The following ADAMTSL3 variants were observed in gnomAD, a reference collection of about 807,000 sequenced individuals.
ADAMTSL3 encodes ADAMTS like 3, also known as ADAMTS-like protein 3.
A neutral mutation model predicts 201.7 loss-of-function variants in ADAMTSL3; 128 were observed. That is an observed-to-expected ratio of 0.63 (90% CI 0.55 to 0.73). The LOEUF (loss-of-function observed/expected upper bound fraction) is 0.73. Ranked by LOEUF, ADAMTSL3 falls within the 30% of genes least tolerant of loss-of-function variation. The pLI is 0.00. For missense variants in ADAMTSL3, 1,990 were observed against 2,119.6 expected, an observed-to-expected ratio of 0.94 and a Z score of 1.20; for synonymous variants, 738 against 748.4, an observed-to-expected ratio of 0.99 and a Z score of 0.23.
At chr15:83,910,082 GT>G (rs1359238593) in intron 15 of ADAMTSL3, among the ~76,000 whole-genome samples, 1 of 152,036 alleles carries the variant, frequency 6.6e-6, no homozygotes, top group Non-Finnish European at 1.5e-5. Flanking sequence ...CTTCAGCCAT[GT>G]TTCTTCTGTT....
chr15:83,673,161 A>G (rs1038435865), intron 2 of ADAMTSL3, among the ~76,000 whole-genome samples: 1 of 152,212 alleles, frequency 6.6e-6, no homozygotes, highest in Admixed American at 6.5e-5. Context: ...CTGTTCACCT[A>G]GGTGGTGCCT....
chr15:83,709,932 G>A (rs1389068168), intron 3 of ADAMTSL3, among the ~76,000 whole-genome samples: 1 of 152,044 alleles, frequency 6.6e-6, no homozygotes, highest in Non-Finnish European at 1.5e-5. Context: ...TGGGCCTCAT[G>A]CACACTTTCC....
At chr15:83,790,792 G>A (rs1028155571) in intron 4 of ADAMTSL3, among the ~76,000 whole-genome samples, 21 of 152,138 alleles carry the variant, frequency 1.4e-4, no homozygotes, top group African/African-American at 4.8e-4. Context: ...AAACTAACAA[G>A]TGAGTCTGGC....
At chr15:83,966,113 A>G (rs2067079002) in intron 19 of ADAMTSL3, among the ~76,000 whole-genome samples, 1 of 152,220 alleles carries the variant, frequency 6.6e-6, no homozygotes, top group African/African-American at 2.4e-5. Flanking sequence ...TAACATCACA[A>G]TTAAAAGAAC....
At position 84,021,536 on chromosome 15, in the gene ADAMTSL3, A is replaced by G. The variant is rs754407697; in HGVS notation, c.4400A>G (p.His1467Arg). 5.6e-6 allele frequency: 9 copies of G among 1,613,762 alleles called. No homozygotes were observed. In the African/African-American group the frequency reaches 9.4e-5, roughly 17 times the overall value. ...GQEVSEALCDHLQKPLAGFEP... is the reference protein window; with the variant it reads ...GQEVSEALCDRLQKPLAGFEP... ...GAAGTGAGTGAGGCCCTGTGTGATC[A>G]CCTCCAGAAGCCACTGGCTGGGTTT... The change falls in exon 26 of 30, where the codon CAC becomes CGC. Residue 1467 changes from histidine (H) to arginine (R), a missense_variant. Coordinates refer to ENST00000286744, the MANE Select transcript of ADAMTSL3 (RefSeq NM_207517.3).
chr15:83,724,517 C>T (rs28857567), intron 3 of ADAMTSL3, among the ~76,000 whole-genome samples: 2 of 151,792 alleles, frequency 1.3e-5, no homozygotes, highest in African/African-American at 4.8e-5. Context: ...ATGGGGTATC[C>T]GTCACCTCAG....
intron 15 of ADAMTSL3, among the ~76,000 whole-genome samples, chr15:83,911,389 A>ATCTT (rs2065930849): frequency 6.6e-6 from 1 of 152,346 alleles, no homozygotes; most frequent in African/African-American, 2.4e-5. Context: ...AGTCTTCAAG[A>ATCTT]GAAGACTGTT....
At chr15:83,941,087 TG>T (rs1163839364) in intron 17 of ADAMTSL3, among the ~76,000 whole-genome samples, 1 of 151,964 alleles carries the variant, frequency 6.6e-6, no homozygotes, top group East Asian at 1.9e-4. Flanking sequence ...TAATTTTTTT[TG>T]TCCATTTTTC....
chr15:83,672,633 TG>T (rs1320908096), intron 2 of ADAMTSL3, among the ~76,000 whole-genome samples: 1 of 152,062 alleles, frequency 6.6e-6, no homozygotes, highest in Non-Finnish European at 1.5e-5. Flanking sequence ...AGAAAAGAGG[TG>T]TGGGATGGGC....
chr15:84,015,368 CT>C (rs931124842), intron 24 of ADAMTSL3, among the ~76,000 whole-genome samples: 1 of 152,182 alleles, frequency 6.6e-6, no homozygotes, highest in African/African-American at 2.4e-5. Context: ...TTCTCCATAG[CT>C]TTCCTTGGGG....
intron 16 of ADAMTSL3, among the ~76,000 whole-genome samples, chr15:83,913,659 T>G (rs1162804645): frequency 6.6e-6 from 1 of 152,090 alleles, no homozygotes; most frequent in Non-Finnish European, 1.5e-5. Flanking sequence ...AATAGGAAAA[T>G]GCAGAATGGA....
chr15:83,859,324 A>G (rs1001416178), intron 8 of ADAMTSL3, among the ~76,000 whole-genome samples: 1 of 152,216 alleles, frequency 6.6e-6, no homozygotes, highest in African/African-American at 2.4e-5. Flanking sequence ...AGCAGAAAAG[A>G]ATGTTAGATC....
At chr15:83,836,117 A>C (rs1281976936) in intron 6 of ADAMTSL3, among the ~76,000 whole-genome samples, 1 of 152,248 alleles carries the variant, frequency 6.6e-6, no homozygotes, top group African/African-American at 2.4e-5. Flanking sequence ...ATATTGTATT[A>C]CTATCTTTAT....
At chr15:83,828,469 C>T (rs559432978) in intron 6 of ADAMTSL3, among the ~76,000 whole-genome samples, 1 of 152,208 alleles carries the variant, frequency 6.6e-6, no homozygotes, top group Non-Finnish European at 1.5e-5. Context: ...ATGTCATCTG[C>T]AGACAGGGAC....
intron 3 of ADAMTSL3, among the ~76,000 whole-genome samples, chr15:83,716,099 CTT>C (rs752184565): frequency 1.1e-4 from 16 of 152,308 alleles, no homozygotes; most frequent in Non-Finnish European, 5.9e-5. Flanking sequence ...GTCTGCATGA[CTT>C]TTCTGCAATT....
chr15:83,913,516 ACTTTTTCTT>A (rs1025660693), intron 16 of ADAMTSL3, 138 bp downstream of exon 16: 119 of 932,140 alleles, frequency 1.3e-4, no homozygotes, highest in Admixed American at 7.6e-4. Context: ...TGAAAATGAT[ACTTTTTCTT>A]CTTTTTCTTT....
intron 4 of ADAMTSL3, among the ~76,000 whole-genome samples, chr15:83,793,957 T>C (rs1267553243): frequency 1.3e-5 from 2 of 151,922 alleles, no homozygotes; most frequent in Admixed American, 6.6e-5. Flanking sequence ...CTCTCAAATA[T>C]CAACAATTAA....
chr15:83,883,142 C>CTATTT (rs201289538), intron 9 of ADAMTSL3, among the ~76,000 whole-genome samples: 3,785 of 37,140 alleles, frequency 0.1, 52 homozygotes, highest in African/African-American at 0.14. Flanking sequence ...AATACTATTT[C>CTATTT]TATTTTATTT....
chr15:83,889,577 C>T (rs552541389), intron 10 of ADAMTSL3, among the ~76,000 whole-genome samples: 4 of 152,094 alleles, frequency 2.6e-5, no homozygotes, highest in South Asian at 4.1e-4. Flanking sequence ...AACAACAAAT[C>T]GAAATAGGTG....
Sources: allele counts gnomAD v4.1 joint callset (sites outside exome capture counted in the v4.1 genomes callset), GRCh38; gene constraint gnomAD v4.1.1; transcripts MANE v1.5; gene names NCBI Gene and HGNC (gene_info 2026-07-23, HGNC 2026-07-21).